Variants in WNT3A observed in about 807,000 individuals in gnomAD.
The protein encoded by WNT3A is Wnt family member 3A, also known as protein Wnt-3a.
In WNT3A, 17 loss-of-function variants were observed where a neutral mutation model predicts 37.0. The ratio of observed to expected loss-of-function variants is 0.46; its 90% CI spans 0.31 to 0.69. WNT3A has a LOEUF of 0.69. Among genes scored for constraint, WNT3A ranks in the 30% least tolerant of loss-of-function variants. WNT3A has a pLI of 0.05. For synonymous variants in WNT3A, 187 were observed against 211.0 expected, an observed-to-expected ratio of 0.89 and a Z score of 0.99; for missense variants, 411 against 510.2, an observed-to-expected ratio of 0.81 and a Z score of 1.87.
At chr1:228,029,673 C>T (rs2102768425) in intron 2 of WNT3A, among the ~76,000 whole-genome samples, 2 of 152,202 alleles carry the variant, frequency 1.3e-5, no homozygotes, top group Admixed American at 1.3e-4. Context: ...GTCAAAAACC[C>T]TGGGCCCCTG....
chr1:228,029,741 C>A (rs552532177), intron 2 of WNT3A, among the ~76,000 whole-genome samples: 4 of 134,020 alleles, frequency 3.0e-5, no homozygotes, highest in Non-Finnish European at 6.3e-5. Flanking sequence ...CTTGTGCCCA[C>A]CCCCCCCCCA....
intron 3 of WNT3A, among the ~76,000 whole-genome samples, chr1:228,054,544 C>A (rs941667639): frequency 6.7e-6 from 1 of 149,052 alleles, no homozygotes; most frequent in Non-Finnish European, 1.5e-5. Flanking sequence ...AGGAGAATGG[C>A]GTGAACCCAG....
chr1:228,032,845 C>T (rs1200976976), intron 2 of WNT3A, among the ~76,000 whole-genome samples: 1 of 152,116 alleles, frequency 6.6e-6, no homozygotes, highest in African/African-American at 2.4e-5. Flanking sequence ...TGATTTTCTG[C>T]TTGTTGTTTT....
In WNT3A at chr1:228,042,096, A is replaced by G. The variant is rs1251085998; in HGVS notation, c.314-8560A>G. ...CGGGTTCAAGCGATTCTCCCACCTC[A>G]GCCTCTTGAGTAGCTGGCACTACAG... On this transcript the variant is annotated intron_variant, in intron 2 of 3. Coordinates refer to ENST00000284523, the MANE Select transcript of WNT3A (RefSeq NM_033131.4). The surrounding 1 kb of genome is among the most constrained non-coding windows in gnomAD (Gnocchi z 5.2). Among the ~76,000 whole-genome samples, 1 of 151,934 alleles carries G rather than the reference A, an allele frequency of 6.6e-6. No individual in the cohort carries two copies. The highest frequency in any genetic ancestry group is 2.4e-5 in the African/African-American group (1 of 41,324).
Position 228,007,103 on chromosome 1 carries a change from G to C in WNT3A, c.-26G>C, listed in dbSNP as rs1195856363. The C allele has an allele frequency of 2.6e-6, 4 of 1,520,674 alleles. No homozygotes were observed. The highest frequency in any genetic ancestry group is 1.5e-5 in the African/African-American group (1 of 68,864). The allele number at this position is 1,520,674 out of a possible 1,614,324, so 94.2% of individuals were successfully genotyped here. On this transcript the variant is annotated 5_prime_UTR_variant, in exon 1 of 4. Coordinates refer to ENST00000284523, the MANE Select transcript of WNT3A (RefSeq NM_033131.4). The surrounding 1 kb of genome is among the most constrained non-coding windows in gnomAD (Gnocchi z 6.0). Reference sequence around the variant, plus strand: ...GCTCACGCTCTCGGGGCGGACTCCCGGCCCTCCGCGCCCTCTCGCGCGGCG... The same window carrying C: ...GCTCACGCTCTCGGGGCGGACTCCCCGCCCTCCGCGCCCTCTCGCGCGGCG...
At position 228,059,296 on chromosome 1, in the gene WNT3A, G is replaced by A; in HGVS notation, c.890G>A (p.Cys297Tyr). 6.3e-7 allele frequency: 1 copy of A among 1,586,980 alleles called. No homozygotes were observed. The highest frequency in any genetic ancestry group is 8.5e-7 in the Non-Finnish European group (1 of 1,171,172). ...TCCTTCGGCACGCGCGACCGCACCT[G>A]CAACGTCAGCTCGCACGGCATCGAC... ...TGSFGTRDRT[C>Y]NVSSHGIDGC... Residue 297 changes from cysteine (C) to tyrosine (Y), a missense_variant, in exon 4 of 4, where the codon TGC (cysteine) becomes TAC (tyrosine). By Grantham distance (194) the Cys-to-Tyr change is radical. Coordinates refer to ENST00000284523, the MANE Select transcript of WNT3A (RefSeq NM_033131.4).
Position 228,050,541 on chromosome 1 carries a change from C to A in WNT3A, c.314-115C>A. Reference sequence around the variant, plus strand: ...AAGTAAGCCTCTTTGCCTTATACACCACCCAACCTCACGAGTTCCTTTATA... The same window carrying A: ...AAGTAAGCCTCTTTGCCTTATACACAACCCAACCTCACGAGTTCCTTTATA... On this transcript the variant is annotated intron_variant, in intron 2 of 3. Transcript: ENST00000284523. This position sits in a 1 kb window ranked among gnomAD's most constrained non-coding sequence, Gnocchi z 5.0. The A allele has an allele frequency of 1.5e-6, 2 of 1,338,682 alleles. No individual in the cohort carries two copies. Among genetic ancestry groups the A allele is most frequent in the Non-Finnish European group, 2.0e-6 (2 of 1,005,140 alleles). The allele number at this position is 1,338,682 out of a possible 1,614,324, so 82.9% of individuals were successfully genotyped here. A position where few individuals can be genotyped will look rare whatever the true frequency, so the allele number is the denominator to read the frequency against.
At chr1:228,047,867 G>C (rs991749707) in intron 2 of WNT3A, among the ~76,000 whole-genome samples, 4 of 152,032 alleles carry the variant, frequency 2.6e-5, no homozygotes, top group African/African-American at 9.7e-5. Flanking sequence ...TCATAATCTC[G>C]AGGACAGCAC....
At position 228,059,448 on chromosome 1, in the gene WNT3A, G is replaced by A. The variant is rs776037564; in HGVS notation, c.1042G>A (p.Val348Met). ...SCQECTRVYD[V>M]HTCK ...CCAGGAGTGCACGCGCGTCTACGAC[G>A]TGCACACCTGCAAGTAGGCACCGGC... Residue 348 changes from valine (V) to methionine (M), a missense_variant, in exon 4 of 4, where the codon GTG (valine) becomes ATG (methionine). Transcript: ENST00000284523. 5 of 1,519,302 alleles carry A rather than the reference G, an allele frequency of 3.3e-6. No homozygotes were observed. In the South Asian group the frequency reaches 3.9e-5, roughly 12 times the overall value. 94.1% of individuals were successfully genotyped at this position (1,519,302 alleles called of 1,614,324 possible). A position where few individuals can be genotyped will look rare whatever the true frequency, so the allele number is the denominator to read the frequency against.
intron 2 of WNT3A, 109 bp downstream of exon 2, chr1:228,023,017 C>G: frequency 2.0e-6 from 3 of 1,477,292 alleles, no homozygotes; most frequent in Non-Finnish European, 2.7e-6. Flanking sequence ...CAGTGCCTCA[C>G]GCGGACGCTG....
intron 1 of WNT3A, among the ~76,000 whole-genome samples, chr1:228,018,407 AT>A (rs5781502): frequency 1.0e-4 from 15 of 147,586 alleles, no homozygotes; most frequent in South Asian, 2.1e-4. Flanking sequence ...TGCAATTTAG[AT>A]TTTTTTTTTT....
At position 228,007,089 on chromosome 1, in the gene WNT3A, CG is replaced by C; in HGVS notation, c.-36del. ...CGGCCCCCCCCGGCGCTCACGCTCT[CG>C]GGGCGGACTCCCGGCCCTCCGCGCC... On this transcript the variant is annotated 5_prime_UTR_variant, in exon 1 of 4. Coordinates refer to ENST00000284523, the MANE Select transcript of WNT3A (RefSeq NM_033131.4). The surrounding 1 kb of genome is among the most constrained non-coding windows in gnomAD (Gnocchi z 6.0). The C allele has an allele frequency of 6.7e-7, 1 of 1,491,300 alleles. No homozygotes were observed. The highest frequency in any genetic ancestry group is 9.0e-7 in the Non-Finnish European group (1 of 1,115,820). The allele number at this position is 1,491,300 out of a possible 1,614,324, so 92.4% of individuals were successfully genotyped here.
At position 228,022,715 on chromosome 1, in the gene WNT3A, C is replaced by A. The variant is rs765661039; in HGVS notation, c.120C>A (p.Ile40=). 10 of 1,614,198 alleles carry A rather than the reference C, an allele frequency of 6.2e-6. No homozygotes were observed. In the Admixed American group the frequency reaches 1.7e-4, roughly 27 times the overall value. ...ATTCCTCCCTGGGCTCGCAGCCCAT[C>A]CTGTGTGCCAGCATCCCGGGCCTGG... The part of the protein sequence containing the change: ...PQYSSLGSQP[I]LCASIPGLVP... Residue 40 remains isoleucine (I), a synonymous_variant, in exon 2 of 4, where the codon ATC becomes ATA. Coordinates refer to ENST00000284523, the MANE Select transcript of WNT3A (RefSeq NM_033131.4).
rs1195856363 is a variant in WNT3A, at chr1:228,007,103, G to A, written c.-26G>A. On this transcript the variant is annotated 5_prime_UTR_variant, in exon 1 of 4. Transcript: ENST00000284523. This position sits in a 1 kb window ranked among gnomAD's most constrained non-coding sequence, Gnocchi z 6.0. ...GCTCACGCTCTCGGGGCGGACTCCCGGCCCTCCGCGCCCTCTCGCGCGGCG... is the reference window on the plus strand; with the variant it reads ...GCTCACGCTCTCGGGGCGGACTCCCAGCCCTCCGCGCCCTCTCGCGCGGCG... 11 of 1,520,578 alleles carry A rather than the reference G, an allele frequency of 7.2e-6. No individual in the cohort carries two copies. The highest frequency in any genetic ancestry group is 1.5e-5 in the African/African-American group (1 of 68,756). 94.2% of individuals were successfully genotyped at this position (1,520,578 alleles called of 1,614,324 possible).
rs575659075 is a variant in WNT3A at position 228,058,884 on chromosome 1, G to A, written c.580-102G>A. 7.2e-5 allele frequency: 88 copies of A among 1,216,918 alleles called. 3 individuals carry two copies. The South Asian group carries it at 1.2e-3, about 16-fold the overall frequency. The allele number at this position is 1,216,918 out of a possible 1,614,324, so 75.4% of individuals were successfully genotyped here. On this transcript the variant is annotated intron_variant, in intron 3 of 3. Transcript: ENST00000284523. ...GGGAGTCTGCCCCCTCTGCCCGGGG[G>A]CTTTATGGAGCAGGTAGGCTGCAGG...
chr1:228,058,859 G>T, intron 3 of WNT3A, 127 bp from the exon 4 acceptor site: 1 of 973,484 alleles, frequency 1.0e-6, no homozygotes, highest in South Asian at 1.7e-5. Flanking sequence ...GGCCCTGCCT[G>T]GGAGTCTGCC....
intron 2 of WNT3A, among the ~76,000 whole-genome samples, chr1:228,045,278 CT>C (rs2031373965): frequency 6.6e-6 from 1 of 152,196 alleles, no homozygotes. Context: ...TGGAGACAGA[CT>C]CTTGTAGTAG....
At position 228,059,882 on chromosome 1, in the gene WNT3A, A is replaced by C. The variant is rs2031765424; in HGVS notation, c.*417A>C. 3 of 1,046,158 alleles carry C rather than the reference A, an allele frequency of 2.9e-6. No homozygotes were observed. Among genetic ancestry groups the C allele is most frequent in the Non-Finnish European group, 2.3e-6 (2 of 868,772 alleles). 64.8% of individuals were successfully genotyped at this position (1,046,158 alleles called of 1,614,324 possible). ...GGGCACTAGGTAGGCTTCTACCTGC[A>C]GGCGGGGCTCCTCCTGAAGGAGGCG... On this transcript the variant is annotated 3_prime_UTR_variant, in exon 4 of 4. Coordinates refer to ENST00000284523, the MANE Select transcript of WNT3A (RefSeq NM_033131.4).
chr1:228,027,926 G>T (rs547572329), intron 2 of WNT3A, among the ~76,000 whole-genome samples: 2 of 152,280 alleles, frequency 1.3e-5, no homozygotes, highest in Non-Finnish European at 1.5e-5. Context: ...TTAAGGCTTT[G>T]ATCCATCTGG....
Sources: allele counts gnomAD v4.1 joint callset (sites outside exome capture counted in the v4.1 genomes callset), GRCh38; gene constraint gnomAD v4.1.1; non-coding constraint Gnocchi (gnomAD v3.1); transcripts MANE v1.5; gene names NCBI Gene and HGNC (gene_info 2026-07-23, HGNC 2026-07-21).